Variants in CYP2J2 observed in about 807,000 individuals in gnomAD.
CYP2J2 encodes cytochrome P450 family 2 subfamily J member 2.
Under a neutral mutation model 48.8 loss-of-function variants are expected in CYP2J2, and 41 were observed. The observed-to-expected ratio is 0.84, with a 90% CI of 0.66 to 1.09. CYP2J2 has a LOEUF of 1.09. CYP2J2 is among the 50% of genes least tolerant of loss of function. The pLI, the probability that CYP2J2 is intolerant of heterozygous loss-of-function variation, is 0.00. For missense variants in CYP2J2, 644 were observed against 617.3 expected, an observed-to-expected ratio of 1.04 and a Z score of -0.46; for synonymous variants, 221 against 227.1, an observed-to-expected ratio of 0.97 and a Z score of 0.24.
chr1:59,901,940 G>C (rs2102109534), intron 7 of CYP2J2, among the ~76,000 whole-genome samples: 1 of 152,210 alleles, frequency 6.6e-6, no homozygotes, highest in Admixed American at 6.5e-5. Context: ...CCTAGGACTT[G>C]ACACACTTCA....
the CYP2J2 span, among the ~76,000 whole-genome samples, chr1:59,933,182 T>C: frequency 0.016 from 2,422 of 152,312 alleles, 24 homozygotes; most frequent in Non-Finnish European, 0.026. Context: ...GTTGGAAATG[T>C]GTAGTGCCAA....
chr1:59,903,656 C>T (rs982782259), intron 7 of CYP2J2, among the ~76,000 whole-genome samples: 4 of 152,138 alleles, frequency 2.6e-5, no homozygotes, highest in African/African-American at 9.7e-5. Context: ...ACATGTACTC[C>T]CTGAATCTAA....
intron 3 of CYP2J2, 141 bp downstream of exon 3, chr1:59,912,021 T>G (rs1304171374): frequency 1.7e-5 from 17 of 1,025,808 alleles, no homozygotes; most frequent in African/African-American, 3.3e-5. Context: ...TAAAACTCTT[T>G]GAGGACAGAG....
At chr1:59,951,919 C>T in the CYP2J2 span, among the ~76,000 whole-genome samples, 2 of 152,126 alleles carry the variant, frequency 1.3e-5, no homozygotes, top group African/African-American at 4.8e-5. Flanking sequence ...AATCTCCTAC[C>T]CCACTTCCCA....
chr1:59,926,171 GTAT>G (rs1476248899), intron 1 of CYP2J2, among the ~76,000 whole-genome samples: 3 of 152,158 alleles, frequency 2.0e-5, no homozygotes, highest in Admixed American at 6.5e-5. Flanking sequence ...GATTGAGGTA[GTAT>G]TATCACCATT....
intron 8 of CYP2J2, among the ~76,000 whole-genome samples, chr1:59,895,574 A>T (rs931136874): frequency 6.6e-6 from 1 of 152,158 alleles, no homozygotes; most frequent in Non-Finnish European, 1.5e-5. Flanking sequence ...TCAACAAACC[A>T]TTCTCATTAA....
At chr1:59,951,770 G>A in the CYP2J2 span, among the ~76,000 whole-genome samples, 92 of 152,162 alleles carry the variant, frequency 6.0e-4, no homozygotes, top group African/African-American at 2.0e-3. Flanking sequence ...CTTCTCTCCC[G>A]ACCTTGCTCT....
At chr1:59,903,858 T>G (rs1644342249) in intron 7 of CYP2J2, among the ~76,000 whole-genome samples, 1 of 152,182 alleles carries the variant, frequency 6.6e-6, no homozygotes, top group African/African-American at 2.4e-5. Flanking sequence ...TTGAGAGATC[T>G]CATGCAAACC....
upstream of CYP2J2, among the ~76,000 whole-genome samples, chr1:59,927,201 AAAGTT>A (rs1311346992): frequency 3.3e-5 from 5 of 152,212 alleles, no homozygotes; most frequent in African/African-American, 9.6e-5. Flanking sequence ...AGGAAACAGA[AAAGTT>A]AAGTACTAAG....
chr1:59,939,950 G>A, the CYP2J2 span, among the ~76,000 whole-genome samples: 3 of 152,080 alleles, frequency 2.0e-5, no homozygotes, highest in African/African-American at 7.2e-5. Flanking sequence ...AATGCTGCCT[G>A]GCCTGGGACT....
chr1:59,917,301 A>G (rs1644474954), intron 1 of CYP2J2, among the ~76,000 whole-genome samples: 1 of 152,128 alleles, frequency 6.6e-6, no homozygotes, highest in Non-Finnish European at 1.5e-5. Flanking sequence ...TATGGTGGCA[A>G]AGGGGACAGG....
At chr1:59,920,863 T>C (rs544306620) in intron 1 of CYP2J2, among the ~76,000 whole-genome samples, 6 of 152,300 alleles carry the variant, frequency 3.9e-5, no homozygotes, top group African/African-American at 9.6e-5. Context: ...ATGTTTAGTA[T>C]TGTTGTGATA....
intron 8 of CYP2J2, among the ~76,000 whole-genome samples, chr1:59,896,704 T>G (rs910531462): frequency 1.3e-5 from 2 of 152,152 alleles, no homozygotes; most frequent in Admixed American, 1.3e-4. Context: ...CCACCATCTC[T>G]ATTGTGTGTA....
chr1:59,937,093 C>A, the CYP2J2 span, among the ~76,000 whole-genome samples: 1 of 152,232 alleles, frequency 6.6e-6, no homozygotes, highest in Non-Finnish European at 1.5e-5. Flanking sequence ...TGCCACCAGA[C>A]AGGTGGTTCT....
the CYP2J2 span, among the ~76,000 whole-genome samples, chr1:59,936,058 C>A: frequency 0.013 from 1,958 of 152,298 alleles, 17 homozygotes; most frequent in Non-Finnish European, 0.02. Flanking sequence ...TGAGCCACTG[C>A]GTCTGGCCCA....
chr1:59,896,250 T>C (rs1352894280), intron 8 of CYP2J2, among the ~76,000 whole-genome samples: 2 of 152,024 alleles, frequency 1.3e-5, no homozygotes, highest in African/African-American at 4.8e-5. Flanking sequence ...AAGAAATATA[T>C]GTATGTATAT....
At chr1:59,910,077 G>A (rs932687174) in intron 4 of CYP2J2, 117 bp from the exon 5 acceptor site, 25 of 767,830 alleles carry the variant, frequency 3.3e-5, no homozygotes, top group Non-Finnish European at 4.7e-5. Context: ...TTAAACCTTG[G>A]TTATCCTTGA....
upstream of CYP2J2, among the ~76,000 whole-genome samples, chr1:59,930,799 G>T (rs552895072): frequency 2.0e-5 from 3 of 152,042 alleles, no homozygotes; most frequent in East Asian, 3.9e-4. Context: ...AGAATTTATT[G>T]CTAGCAGACT....
chr1:59,898,488 A>T (rs916488784), intron 8 of CYP2J2, among the ~76,000 whole-genome samples: 2 of 152,244 alleles, frequency 1.3e-5, no homozygotes, highest in African/African-American at 4.8e-5. Flanking sequence ...GCACAGCCAC[A>T]TATCTGACTT....
Sources: gnomAD v4.1 joint callset for allele counts (sites outside exome capture counted in the v4.1 genomes callset) on GRCh38, gnomAD v4.1.1 for gene constraint, MANE v1.5 for transcripts, NCBI Gene and HGNC (gene_info 2026-07-23, HGNC 2026-07-21) for gene names.